SLC9A9: variants seen among roughly 807,000 people sequenced by gnomAD.
SLC9A9 encodes the protein solute carrier family 9 member A9.
A neutral mutation model predicts 77.8 loss-of-function variants in SLC9A9; 62 were observed. The ratio of observed to expected loss-of-function variants is 0.80; its 90% confidence interval spans 0.65 to 0.98. SLC9A9 has a LOEUF of 0.98. Among genes scored for constraint, SLC9A9 ranks in the 50% least tolerant of loss-of-function variants. SLC9A9 has a pLI of 0.00. For synonymous variants in SLC9A9, 320 were observed against 283.5 expected, an observed-to-expected ratio of 1.13 and a Z score of -1.29; for missense variants, 775 against 774.9, an observed-to-expected ratio of 1.00 and a Z score of 0.00.
intron 6 of SLC9A9, among the ~76,000 whole-genome samples, chr3:143,645,726 T>C (rs1404765345): frequency 1.3e-5 from 2 of 152,288 alleles, no homozygotes; most frequent in East Asian, 3.9e-4. Flanking sequence ...AGAACTTCTC[T>C]GCAGCATAAC....
chr3:143,605,078 A>G (rs893418548), intron 6 of SLC9A9, among the ~76,000 whole-genome samples: 2 of 152,086 alleles, frequency 1.3e-5, no homozygotes, highest in Admixed American at 6.5e-5. Context: ...TTATGTTCAT[A>G]TTTACTACAA....
chr3:143,656,009 G>A (rs1239279349), intron 5 of SLC9A9, among the ~76,000 whole-genome samples: 1 of 152,144 alleles, frequency 6.6e-6, no homozygotes, highest in East Asian at 1.9e-4. Context: ...GAGAAAGGAT[G>A]AGAAAACTGC....
At chr3:143,641,519 A>G (rs2038622738) in intron 6 of SLC9A9, among the ~76,000 whole-genome samples, 1 of 147,532 alleles carries the variant, frequency 6.8e-6, no homozygotes, top group Non-Finnish European at 1.5e-5. Context: ...TCAGCCTCCC[A>G]AGTAGCTGGG....
intron 12 of SLC9A9, among the ~76,000 whole-genome samples, chr3:143,407,841 T>A (rs2034011457): frequency 6.6e-6 from 1 of 152,242 alleles, no homozygotes; most frequent in South Asian, 2.1e-4. Context: ...CTTGTTAGGA[T>A]AAAGACTTTG....
chr3:143,280,612 T>G (rs1379635868), intron 14 of SLC9A9, among the ~76,000 whole-genome samples: 2 of 148,760 alleles, frequency 1.3e-5, no homozygotes, highest in Admixed American at 1.4e-4. Context: ...AGTGCAGTGG[T>G]GCCATCTTGG....
intron 6 of SLC9A9, among the ~76,000 whole-genome samples, chr3:143,601,553 C>T (rs2037845270): frequency 6.6e-6 from 1 of 152,218 alleles, no homozygotes. Flanking sequence ...CTGTATCACA[C>T]ACCACCTCCA....
chr3:143,577,367 T>C (rs2037376464), intron 7 of SLC9A9, among the ~76,000 whole-genome samples: 1 of 152,118 alleles, frequency 6.6e-6, no homozygotes, highest in Non-Finnish European at 1.5e-5. Flanking sequence ...GCCTCCTGAA[T>C]CACCGACTGC....
chr3:143,689,775 G>A (rs1268264855), intron 5 of SLC9A9, among the ~76,000 whole-genome samples: 1 of 152,030 alleles, frequency 6.6e-6, no homozygotes, highest in Non-Finnish European at 1.5e-5. Flanking sequence ...TAAAAGTAAG[G>A]TGAAGAACCA....
At chr3:143,725,377 C>G (rs1278225180) in intron 4 of SLC9A9, among the ~76,000 whole-genome samples, 1 of 151,944 alleles carries the variant, frequency 6.6e-6, no homozygotes, top group Admixed American at 6.6e-5. Flanking sequence ...CCAGCCATCC[C>G]ATTACTGGGT....
At chr3:143,390,423 G>A (rs2033531208) in intron 12 of SLC9A9, among the ~76,000 whole-genome samples, 2 of 152,228 alleles carry the variant, frequency 1.3e-5, no homozygotes, top group South Asian at 4.1e-4. Flanking sequence ...GATAGGAATG[G>A]TAAATATGTC....
chr3:143,485,313 T>C (rs1212965414), intron 11 of SLC9A9, among the ~76,000 whole-genome samples: 2 of 152,216 alleles, frequency 1.3e-5, no homozygotes, highest in Admixed American at 6.5e-5. Context: ...TTGGCTGAAG[T>C]GATTGTCAGG....
At chr3:143,499,305 CT>C (rs1451472454) in intron 9 of SLC9A9, among the ~76,000 whole-genome samples, 1 of 152,050 alleles carries the variant, frequency 6.6e-6, no homozygotes, top group East Asian at 1.9e-4. Flanking sequence ...ATCATATATC[CT>C]TATAATTATT....
rs568750527 is a variant in SLC9A9 at position 143,395,797 on chromosome 3, C to T, written c.1470-13683G>A. ...TCAAAAAGTGGGCAAAGGATATGAA[C>T]AGACACTTCTCAAAAGAACACATTT... On this transcript the variant is annotated intron_variant, in intron 12 of 15. Transcript: ENST00000316549. Among the ~76,000 whole-genome samples the T allele has an allele frequency of 2.6e-5, 4 of 152,304 alleles. No homozygotes were observed. The East Asian group carries it at 7.7e-4, about 29-fold the overall frequency.
intron 2 of SLC9A9, among the ~76,000 whole-genome samples, chr3:143,824,015 A>T (rs1161471971): frequency 6.6e-6 from 1 of 152,116 alleles, no homozygotes; most frequent in Non-Finnish European, 1.5e-5. Flanking sequence ...TCTCAAACGC[A>T]TTTCACTGGT....
intron 7 of SLC9A9, among the ~76,000 whole-genome samples, chr3:143,577,719 C>T (rs1426393452): frequency 6.6e-6 from 1 of 152,142 alleles, no homozygotes; most frequent in Non-Finnish European, 1.5e-5. Context: ...GGGCAAGACC[C>T]CATAGAAAAA....
intron 4 of SLC9A9, among the ~76,000 whole-genome samples, chr3:143,762,189 C>T (rs897996348): frequency 4.0e-5 from 6 of 151,486 alleles, no homozygotes; most frequent in Admixed American, 2.0e-4. Context: ...TGGGGCCTGT[C>T]GTGGGGTTGG....
At chr3:143,671,206 TA>T (rs1218939115) in intron 5 of SLC9A9, among the ~76,000 whole-genome samples, 1 of 152,226 alleles carries the variant, frequency 6.6e-6, no homozygotes, top group Non-Finnish European at 1.5e-5. Flanking sequence ...ATGGAGCTTT[TA>T]ATTTGCTGCC....
Position 143,336,438 on chromosome 3 carries a change from CCGGTGTTCA to C in SLC9A9, c.1604+27037_1604+27045del, listed in dbSNP as rs2031927206. On this transcript the variant is annotated intron_variant, in intron 14 of 15. Transcript: ENST00000316549. ...AGGAGCTCCAAAAGATATTTGCACA[CCGGTGTTCA>C]CGGCAGCATTATTCACAATAGCCAA... Among the ~76,000 whole-genome samples the C allele has an allele frequency of 3.3e-5, 5 of 152,240 alleles. No individual in the cohort carries two copies. In the South Asian group the frequency reaches 1.0e-3, roughly 32 times the overall value.
chr3:143,444,434 G>A (rs2034806245), intron 12 of SLC9A9, among the ~76,000 whole-genome samples: 1 of 152,192 alleles, frequency 6.6e-6, no homozygotes. Flanking sequence ...AGCAGCCTAG[G>A]CCACTTGGAA....
Sources: allele counts gnomAD v4.1 joint callset (sites outside exome capture counted in the v4.1 genomes callset), GRCh38; gene constraint gnomAD v4.1.1; transcripts MANE v1.5; gene names NCBI Gene and HGNC (gene_info 2026-07-23, HGNC 2026-07-21).